Variants in RPS6KA3 observed in about 807,000 individuals in gnomAD.
RPS6KA3 encodes the protein ribosomal protein S6 kinase alpha-3.
In RPS6KA3, 4 loss-of-function variants were observed where a neutral mutation model predicts 67.2. The ratio of observed to expected loss-of-function variants is 0.06; its 90% CI spans 0.03 to 0.14. RPS6KA3 has a LOEUF of 0.14. RPS6KA3 is among the 10% of genes least tolerant of loss of function. RPS6KA3 has a pLI of 1.00. For synonymous variants in RPS6KA3, 182 were observed against 183.7 expected, an observed-to-expected ratio of 0.99 and a Z score of 0.07; for missense variants, 204 against 559.0, an observed-to-expected ratio of 0.36 and a Z score of 6.40.
At chrX:20,220,470 C>T (rs1056759800) in intron 2 of RPS6KA3, among the ~76,000 whole-genome samples, 1 of 107,163 alleles carries the variant, frequency 9.3e-6, no homozygotes, top group Non-Finnish European at 1.9e-5. Context: ...CCGCCTAACA[C>T]AGAATGGCAG....
chrX:20,229,355 A>C (rs931299963), intron 2 of RPS6KA3, among the ~76,000 whole-genome samples: 6 of 112,274 alleles, frequency 5.3e-5, no homozygotes, highest in African/African-American at 1.9e-4. Context: ...TAAATTTATT[A>C]TCTCACAGTT....
chrX:20,249,848 G>T (rs771985497), intron 1 of RPS6KA3, among the ~76,000 whole-genome samples: 4 of 112,215 alleles, frequency 3.6e-5, no homozygotes, highest in East Asian at 5.6e-4. Flanking sequence ...CCACAGTCCT[G>T]AAGATCTTCT....
At position 20,153,184 on chromosome X, in the gene RPS6KA3, CAAT is replaced by C. The variant is rs2067132143; in HGVS notation, c.*2211_*2213del. On this transcript the variant is annotated 3_prime_UTR_variant, in exon 22 of 22. Transcript: ENST00000379565. ...AATGACATTAACATTTTAAAAGTGA[CAAT>C]AATTTGAGATGACCAAAGTTTGAAA... The C allele has an allele frequency of 9.0e-6, 1 of 111,328 alleles. No homozygotes were observed. The highest frequency in any genetic ancestry group is 1.9e-5 in the Non-Finnish European group (1 of 53,051). 9.2% of individuals were successfully genotyped at this position (111,328 alleles called of 1,213,427 possible).
At chrX:20,227,682 T>C (rs1371529303) in intron 2 of RPS6KA3, among the ~76,000 whole-genome samples, 1 of 109,075 alleles carries the variant, frequency 9.2e-6, no homozygotes, top group African/African-American at 3.4e-5. Flanking sequence ...TTTTGGAAAA[T>C]TGCTTTTTTT....
chrX:20,156,055 T>C (rs2067180790), intron 21 of RPS6KA3, 54 bp downstream of exon 21: 2 of 1,166,933 alleles, frequency 1.7e-6, no homozygotes, highest in African/African-American at 3.6e-5. Flanking sequence ...CAGGGCTTCT[T>C]GAAGTCTCTC....
intron 2 of RPS6KA3, among the ~76,000 whole-genome samples, chrX:20,230,066 C>T (rs773510935): frequency 8.9e-6 from 1 of 112,542 alleles, no homozygotes; most frequent in Non-Finnish European, 1.9e-5. Flanking sequence ...AAGTAAACTG[C>T]CTCAAATGGT....
At chrX:20,216,798 C>A (rs1330186232) in intron 2 of RPS6KA3, among the ~76,000 whole-genome samples, 2 of 110,737 alleles carry the variant, frequency 1.8e-5, no homozygotes, top group African/African-American at 6.6e-5. Context: ...AGAATGAGGT[C>A]AAGAGAGAAC....
intron 1 of RPS6KA3, among the ~76,000 whole-genome samples, chrX:20,262,581 A>G (rs779552978): frequency 1.8e-5 from 2 of 112,023 alleles, no homozygotes; most frequent in Non-Finnish European, 3.8e-5. Context: ...GCCAAAATAA[A>G]GCAAAGTTTT....
chrX:20,243,620 G>A (rs2069607502), intron 1 of RPS6KA3, among the ~76,000 whole-genome samples: 2 of 110,431 alleles, frequency 1.8e-5, no homozygotes, highest in African/African-American at 6.6e-5. Flanking sequence ...TGAGTAACTG[G>A]GACTACTGGT....
At chrX:20,257,937 G>A (rs373914231) in intron 1 of RPS6KA3, among the ~76,000 whole-genome samples, 152 of 111,968 alleles carry the variant, frequency 1.4e-3, no homozygotes, top group African/African-American at 4.6e-3. Context: ...TGTGGGGTAT[G>A]TACCACCCTA....
intron 1 of RPS6KA3, among the ~76,000 whole-genome samples, chrX:20,252,781 A>G (rs1461575814): frequency 9.0e-6 from 1 of 111,387 alleles, no homozygotes; most frequent in Non-Finnish European, 1.9e-5. Context: ...AGGAAGCAGA[A>G]TGCCAACTAG....
chrX:20,255,008 A>C (rs2069998653), intron 1 of RPS6KA3, among the ~76,000 whole-genome samples: 1 of 112,398 alleles, frequency 8.9e-6, no homozygotes, highest in African/African-American at 3.2e-5. Context: ...AACTGGAAAC[A>C]TGTGTTCACA....
intron 1 of RPS6KA3, among the ~76,000 whole-genome samples, chrX:20,237,743 T>C (rs899362681): frequency 8.9e-6 from 1 of 111,762 alleles, no homozygotes; most frequent in African/African-American, 3.2e-5. Context: ...TAAAATACTC[T>C]GTAAAGTCCT....
chrX:20,174,442 G>A (rs907771055), intron 14 of RPS6KA3, among the ~76,000 whole-genome samples: 2 of 104,808 alleles, frequency 1.9e-5, no homozygotes, highest in African/African-American at 3.5e-5. Flanking sequence ...TCTGCCTCCC[G>A]GGTTCAAGTG....
intron 1 of RPS6KA3, among the ~76,000 whole-genome samples, chrX:20,248,916 C>T (rs2069781861): frequency 9.0e-6 from 1 of 111,631 alleles, no homozygotes; most frequent in Non-Finnish European, 1.9e-5. Context: ...CTATATCCAC[C>T]ACTACAGTAA....
Position 20,152,221 on chromosome X carries a change from C to G in RPS6KA3, c.*3177G>C. 8.9e-6 allele frequency: 1 copy of G among 111,867 alleles called. No individual in the cohort carries two copies. Among genetic ancestry groups the G allele is most frequent in the Middle Eastern group, 4.6e-3 (1 of 218 alleles). The allele number at this position is 111,867 out of a possible 1,213,427, so 9.2% of individuals were successfully genotyped here. ...GGGGTTGCTTGTGAATAAATGCATC[C>G]ATATCAAATCTGTTAAAGTTGGGGG... is the stretch of plus-strand genomic sequence containing the variant. On this transcript the variant is annotated 3_prime_UTR_variant, in exon 22 of 22. Coordinates refer to ENST00000379565, the MANE Select transcript of RPS6KA3 (RefSeq NM_004586.3).
chrX:20,258,314 A>G (rs1349551412), intron 1 of RPS6KA3, among the ~76,000 whole-genome samples: 1 of 111,967 alleles, frequency 8.9e-6, no homozygotes, highest in African/African-American at 3.2e-5. Flanking sequence ...GTAAATCTTT[A>G]TTATTTTACA....
chrX:20,255,323 G>A (rs914012789), intron 1 of RPS6KA3, among the ~76,000 whole-genome samples: 1 of 109,307 alleles, frequency 9.1e-6, no homozygotes, highest in Non-Finnish European at 1.9e-5. Flanking sequence ...GGGACTGGGG[G>A]AATGGAGGAA....
chrX:20,243,618 TG>T (rs1385152245), intron 1 of RPS6KA3, among the ~76,000 whole-genome samples: 1 of 110,721 alleles, frequency 9.0e-6, no homozygotes, highest in Non-Finnish European at 1.9e-5. Flanking sequence ...CCTGAGTAAC[TG>T]GGACTACTGG....
Sources: gnomAD v4.1 joint callset for allele counts (sites outside exome capture counted in the v4.1 genomes callset) on GRCh38, gnomAD v4.1.1 for gene constraint, MANE v1.5 for transcripts, NCBI Gene and HGNC (gene_info 2026-07-23, HGNC 2026-07-21) for gene names.